The following TLK2 variants were observed in gnomAD, a reference collection of about 807,000 sequenced individuals.
TLK2 encodes the protein serine/threonine-protein kinase tousled-like 2.
Under a neutral mutation model 117.3 loss-of-function variants are expected in TLK2, and 6 were observed. That is an observed-to-expected ratio of 0.05 (90% CI 0.03 to 0.10). TLK2 has a LOEUF of 0.10. Among genes scored for constraint, TLK2 ranks in the 10% least tolerant of loss-of-function variants. The pLI, the probability that TLK2 is intolerant of heterozygous loss-of-function variation, is 1.00. For missense variants in TLK2, 299 were observed against 901.2 expected (o/e 0.33, Z 8.56); for synonymous variants, 257 against 316.7 (o/e 0.81, Z 2.00).
At chr17:62,517,807 C>G (rs570505315) in intron 2 of TLK2, among the ~76,000 whole-genome samples, 1 of 152,302 alleles carries the variant, frequency 6.6e-6, no homozygotes, top group Admixed American at 6.5e-5. Context: ...AAGCGACTGT[C>G]CTGCCTCAGT....
intron 2 of TLK2, among the ~76,000 whole-genome samples, chr17:62,493,836 C>A (rs2073368261): frequency 6.6e-6 from 1 of 152,024 alleles, no homozygotes; most frequent in Non-Finnish European, 1.5e-5. Flanking sequence ...TGGCTCACTG[C>A]AACCTCCGCC....
chr17:62,584,536 C>T (rs945672349), intron 15 of TLK2, among the ~76,000 whole-genome samples: 1 of 152,044 alleles, frequency 6.6e-6, no homozygotes, highest in African/African-American at 2.4e-5. Context: ...CCATTTTTGG[C>T]CGGGCATGGC....
chr17:62,532,366 G>T (rs558278491), intron 6 of TLK2, among the ~76,000 whole-genome samples: 1 of 152,264 alleles, frequency 6.6e-6, no homozygotes, highest in African/African-American at 2.4e-5. Flanking sequence ...TTTTACTGTT[G>T]CAGCTCGTTC....
At chr17:62,483,191 C>T (rs2071896193) in intron 2 of TLK2, among the ~76,000 whole-genome samples, 1 of 150,776 alleles carries the variant, frequency 6.6e-6, no homozygotes, top group Admixed American at 6.6e-5. Context: ...TAAATGGTCC[C>T]CCCACCCCCG....
At chr17:62,611,035 A>G (rs1598930933) in intron 21 of TLK2, among the ~76,000 whole-genome samples, 1 of 152,132 alleles carries the variant, frequency 6.6e-6, no homozygotes, top group East Asian at 1.9e-4. Context: ...GCTACTTGGG[A>G]GGCTGAGGTA....
At chr17:62,573,503 T>A in intron 12 of TLK2, 136 bp downstream of exon 12, 1 of 1,198,930 alleles carries the variant, frequency 8.3e-7, no homozygotes, top group East Asian at 2.6e-5. Context: ...ATTAATGGAT[T>A]TGCTCAACTC....
upstream of TLK2, among the ~76,000 whole-genome samples, chr17:62,473,902 CTT>C (rs926500297): frequency 3.6e-4 from 54 of 151,338 alleles, no homozygotes; most frequent in Non-Finnish European, 7.8e-4. Flanking sequence ...GATTTTTTTT[CTT>C]TTCTTTTTTT....
intron 1 of TLK2, among the ~76,000 whole-genome samples, chr17:62,480,549 GCTCT>G (rs2071514022): frequency 1.3e-5 from 2 of 152,138 alleles, no homozygotes; most frequent in Admixed American, 6.5e-5. Flanking sequence ...TTTACCGTGG[GCTCT>G]CTATTAAATT....
chr17:62,570,401 T>C (rs1281809612), intron 11 of TLK2, among the ~76,000 whole-genome samples: 3 of 152,196 alleles, frequency 2.0e-5, no homozygotes, highest in African/African-American at 7.2e-5. Flanking sequence ...AAATTGATGC[T>C]ATACAAGAAA....
intron 9 of TLK2, among the ~76,000 whole-genome samples, chr17:62,559,570 GT>G (rs2079108256): frequency 6.6e-6 from 1 of 151,904 alleles, no homozygotes; most frequent in African/African-American, 2.4e-5. Flanking sequence ...TAGAGATGGG[GT>G]TTGACCACGC....
rs2082489505 is a variant in TLK2 at position 62,596,468 on chromosome 17, G to C, written c.1461-117G>C. 4.0e-6 allele frequency: 3 copies of C among 759,120 alleles called. No individual in the cohort carries two copies. In the South Asian group the frequency reaches 5.1e-5, roughly 13 times the overall value. The allele number at this position is 759,120 out of a possible 1,614,324, so 47.0% of individuals were successfully genotyped here. ...GTCAGATGAGGGACCAGATGGACCT[G>C]AATGGAATTAACATGTGGAGACAAT... is the stretch of plus-strand genomic sequence containing the variant. On this transcript the variant is annotated intron_variant, in intron 16 of 21. Transcript: ENST00000346027.
intron 2 of TLK2, among the ~76,000 whole-genome samples, chr17:62,512,501 C>T (rs930483477): frequency 4.0e-5 from 6 of 151,886 alleles, no homozygotes; most frequent in African/African-American, 9.7e-5. Flanking sequence ...GGTGAGCCAC[C>T]GCCCCCGGCC....
At chr17:62,488,033 G>A (rs12950843) in intron 2 of TLK2, among the ~76,000 whole-genome samples, 10 of 152,040 alleles carry the variant, frequency 6.6e-5, no homozygotes, top group South Asian at 2.1e-4. Flanking sequence ...TCCACCTCCC[G>A]GGTTCAAGCG....
chr17:62,551,239 CAA>C (rs2146184171), intron 7 of TLK2, among the ~76,000 whole-genome samples: 1 of 152,262 alleles, frequency 6.6e-6, no homozygotes, highest in African/African-American at 2.4e-5. Flanking sequence ...GAACAGTAAT[CAA>C]AAGAATATGT....
chr17:62,605,415 C>G (rs1353419318), intron 19 of TLK2, among the ~76,000 whole-genome samples: 1 of 152,132 alleles, frequency 6.6e-6, no homozygotes, highest in Non-Finnish European at 1.5e-5. Context: ...GTCTCACTCT[C>G]TTGCTGGAGT....
chr17:62,533,366 G>A (rs1222125603), intron 6 of TLK2, among the ~76,000 whole-genome samples: 1 of 127,176 alleles, frequency 7.9e-6, no homozygotes, highest in Non-Finnish European at 1.7e-5. Flanking sequence ...TTCCTATACG[G>A]GGTGTGTGTG....
At chr17:62,482,193 C>A (rs562642274) in intron 2 of TLK2, among the ~76,000 whole-genome samples, 60 of 152,228 alleles carry the variant, frequency 3.9e-4, no homozygotes, top group South Asian at 6.2e-4. Context: ...AGGTGATCCA[C>A]CTGCCTCAGC....
At chr17:62,503,981 G>T (rs1449755130) in intron 2 of TLK2, among the ~76,000 whole-genome samples, 1 of 151,942 alleles carries the variant, frequency 6.6e-6, no homozygotes, top group Non-Finnish European at 1.5e-5. Flanking sequence ...TGATCCACCC[G>T]CCTTGACCTC....
At chr17:62,551,821 C>A in intron 7 of TLK2, 1 of 167,252 alleles carries the variant, frequency 6.0e-6, no homozygotes, top group Non-Finnish European at 1.3e-5. Flanking sequence ...GCCCAGTCAG[C>A]AAGTGACAGT....
Sources: allele counts gnomAD v4.1 joint callset (sites outside exome capture counted in the v4.1 genomes callset), GRCh38; gene constraint gnomAD v4.1.1; transcripts MANE v1.5; gene names NCBI Gene and HGNC (gene_info 2026-07-23, HGNC 2026-07-21).